AVEN: variants seen among roughly 807,000 people sequenced by gnomAD.
AVEN encodes apoptosis and caspase activation inhibitor.
Under a neutral mutation model 38.1 loss-of-function variants are expected in AVEN, and 41 were observed. The observed-to-expected ratio is 1.08, with a 90% CI of 0.84 to 1.40. The LOEUF (loss-of-function observed/expected upper bound fraction) is 1.40. AVEN is among the 40% of genes most tolerant of loss of function. The pLI is 0.00. For synonymous variants in AVEN, 206 were observed against 171.8 expected, an observed-to-expected ratio of 1.20 and a Z score of -1.56; for missense variants, 605 against 438.8, an observed-to-expected ratio of 1.38 and a Z score of -3.38.
In AVEN at chr15:33,923,285, A is replaced by G. The variant is rs149312144; in HGVS notation, c.446-47290T>C. On this transcript the variant is annotated intron_variant, in intron 2 of 5. Coordinates refer to ENST00000306730, the MANE Select transcript of AVEN (RefSeq NM_020371.3). ...ACAAAAAGGAGTAATTGTGTATTCT[A>G]TCCTTGAAACATATGTTTAACTCCT... Among the ~76,000 whole-genome samples, 130 of 152,338 alleles carry G rather than the reference A, an allele frequency of 8.5e-4. 1 individual carries two copies. The highest frequency in any genetic ancestry group is 1.8e-4 in the Non-Finnish European group (12 of 68,022).
At chr15:34,049,463 A>G (rs1353321484) in intron 5 of AVEN, among the ~76,000 whole-genome samples, 3 of 152,190 alleles carry the variant, frequency 2.0e-5, no homozygotes, top group Non-Finnish European at 4.4e-5. Context: ...GCAGAGTTTG[A>G]AGACTATTTT....
intron 2 of AVEN, among the ~76,000 whole-genome samples, chr15:33,915,167 G>C (rs1893081407): frequency 1.3e-5 from 2 of 152,134 alleles, no homozygotes; most frequent in African/African-American, 4.8e-5. Context: ...TAGATAGGAG[G>C]CAGGACTAAC....
At chr15:33,945,001 G>T (rs1327584807) in intron 2 of AVEN, among the ~76,000 whole-genome samples, 1 of 152,140 alleles carries the variant, frequency 6.6e-6, no homozygotes, top group Non-Finnish European at 1.5e-5. Flanking sequence ...TTATGGGTGA[G>T]ATAACTACAA....
chr15:33,889,222 G>A (rs1041593483), intron 2 of AVEN, among the ~76,000 whole-genome samples: 1 of 152,048 alleles, frequency 6.6e-6, no homozygotes, highest in East Asian at 1.9e-4. Context: ...TTTGACTGCT[G>A]TACTACAAAG....
At chr15:33,996,887 G>A (rs970831832) in intron 2 of AVEN, among the ~76,000 whole-genome samples, 2 of 152,190 alleles carry the variant, frequency 1.3e-5, no homozygotes, top group East Asian at 3.9e-4. Flanking sequence ...GGCTTCGGAA[G>A]GCTGGTAATA....
At chr15:33,991,342 G>A (rs1896714170) in intron 2 of AVEN, 1 of 152,090 alleles carries the variant, frequency 6.6e-6, no homozygotes, top group Non-Finnish European at 1.5e-5. Flanking sequence ...TCAGAGCTAA[G>A]CAAGAGCAAG....
intron 2 of AVEN, among the ~76,000 whole-genome samples, chr15:33,917,374 G>GTGTGTC (rs1291601986): frequency 3.0e-5 from 1 of 33,232 alleles, no homozygotes; most frequent in Non-Finnish European, 5.2e-5. Flanking sequence ...GTGTGTGTGT[G>GTGTGTC]TATACACACA....
At chr15:34,057,695 G>A (rs997979226) in intron 5 of AVEN, among the ~76,000 whole-genome samples, 2 of 152,174 alleles carry the variant, frequency 1.3e-5, no homozygotes, top group African/African-American at 4.8e-5. Flanking sequence ...TACGTGGGAG[G>A]CTGAGGCAGG....
chr15:34,012,414 G>T (rs1897675944), intron 1 of AVEN, among the ~76,000 whole-genome samples: 1 of 152,096 alleles, frequency 6.6e-6, no homozygotes, highest in East Asian at 1.9e-4. Flanking sequence ...GGTGATCTTG[G>T]TGTGCAAAAT....
At chr15:33,932,695 G>A (rs926398547) in intron 2 of AVEN, among the ~76,000 whole-genome samples, 3 of 151,946 alleles carry the variant, frequency 2.0e-5, no homozygotes, top group African/African-American at 7.2e-5. Context: ...TGTGGTGGCC[G>A]GCGCCTGTAA....
chr15:33,875,692 C>A (rs893943087), intron 3 of AVEN, among the ~76,000 whole-genome samples: 9 of 152,132 alleles, frequency 5.9e-5, no homozygotes, highest in African/African-American at 2.2e-4. Context: ...CTCGAGACCC[C>A]GTCCATGTGG....
upstream of AVEN, among the ~76,000 whole-genome samples, chr15:34,042,219 T>C (rs544327472): frequency 6.6e-6 from 1 of 152,294 alleles, no homozygotes; most frequent in African/African-American, 2.4e-5. Flanking sequence ...GGTATTGCTT[T>C]TGCTTGATAG....
At chr15:34,055,761 A>G (rs1006559728) in intron 5 of AVEN, among the ~76,000 whole-genome samples, 16 of 152,202 alleles carry the variant, frequency 1.1e-4, no homozygotes, top group African/African-American at 3.4e-4. Context: ...AGATCACACC[A>G]CTGCACTCCA....
At chr15:33,996,284 T>C (rs1202799477) in intron 2 of AVEN, among the ~76,000 whole-genome samples, 2 of 151,944 alleles carry the variant, frequency 1.3e-5, no homozygotes, top group African/African-American at 4.9e-5. Context: ...CAGAAACTTC[T>C]GCAGACTTAA....
chr15:34,019,164 A>G (rs1283319272), intron 1 of AVEN, among the ~76,000 whole-genome samples: 1 of 152,234 alleles, frequency 6.6e-6, no homozygotes, highest in Non-Finnish European at 1.5e-5. Flanking sequence ...CAACCCAGTA[A>G]GTCCAGCTGG....
At chr15:33,993,293 G>C (rs1481964849) in intron 2 of AVEN, among the ~76,000 whole-genome samples, 1 of 152,152 alleles carries the variant, frequency 6.6e-6, no homozygotes, top group Non-Finnish European at 1.5e-5. Context: ...AAAAGCCAAA[G>C]GCATGATTAT....
intron 1 of AVEN, among the ~76,000 whole-genome samples, chr15:34,006,366 C>G (rs1266942272): frequency 1.3e-5 from 2 of 151,316 alleles, no homozygotes; most frequent in African/African-American, 4.9e-5. Flanking sequence ...AGAACTAGAG[C>G]TGAAAACACC....
At chr15:33,993,457 G>T (rs1896809346) in intron 2 of AVEN, among the ~76,000 whole-genome samples, 1 of 152,082 alleles carries the variant, frequency 6.6e-6, no homozygotes, top group African/African-American at 2.4e-5. Flanking sequence ...AACAAACAGA[G>T]CAGGCAATGC....
chr15:33,943,062 G>C (rs1894375739), intron 2 of AVEN, among the ~76,000 whole-genome samples: 1 of 152,156 alleles, frequency 6.6e-6, no homozygotes, highest in African/African-American at 2.4e-5. Flanking sequence ...AGTTCCTCAA[G>C]AAATCCAAAA....
Sources: allele counts gnomAD v4.1 joint callset (sites outside exome capture counted in the v4.1 genomes callset), GRCh38; gene constraint gnomAD v4.1.1; transcripts MANE v1.5; gene names NCBI Gene and HGNC (gene_info 2026-07-23, HGNC 2026-07-21).